Variants in PCDHA8 observed in about 807,000 individuals in gnomAD.
PCDHA8 encodes protocadherin alpha 8.
In PCDHA8, 53 loss-of-function variants were observed where a neutral mutation model predicts 61.8. The ratio of observed to expected loss-of-function variants is 0.86; its 90% CI spans 0.69 to 1.08. The LOEUF is 1.08. Among genes scored for constraint, PCDHA8 ranks in the 50% least tolerant of loss-of-function variants. The pLI is 0.00. For missense variants in PCDHA8, 1,293 were observed against 1,245.0 expected (o/e 1.04, Z -0.58); for synonymous variants, 618 against 556.6 (o/e 1.11, Z -1.55).
At chr5:140,883,226 G>T (rs572696678) in intron 1 of PCDHA8, 82 of 1,613,938 alleles carry the variant, frequency 5.1e-5, no homozygotes, top group South Asian at 4.2e-4. Flanking sequence ...TGAAATATCC[G>T]TGGAGGCAGT....
intron 1 of PCDHA8, chr5:140,868,892 A>G (rs1450985948): frequency 3.9e-6 from 3 of 760,982 alleles, no homozygotes; most frequent in Non-Finnish European, 4.1e-6. Context: ...TTTTAGGCGC[A>G]AGGTGTCGCT....
At position 140,967,061 on chromosome 5, in the gene PCDHA8, C is replaced by G. The variant is rs1554229125; in HGVS notation, c.2395-11888C>G. The G allele has an allele frequency of 1.9e-6, 3 of 1,612,886 alleles. No individual in the cohort carries two copies. The Admixed American group carries it at 5.0e-5, about 27-fold the overall frequency. On this transcript the variant is annotated intron_variant, in intron 1 of 3. Coordinates refer to ENST00000531613, the MANE Select transcript of PCDHA8 (RefSeq NM_018911.3). ...GGAGCTGGACCTGACGAGTGGAGCG[C>G]TCTTCGTCAACGAGCGCATTGATCG...
intron 1 of PCDHA8, chr5:140,884,515 G>T: frequency 6.2e-6 from 10 of 1,614,176 alleles, no homozygotes; most frequent in South Asian, 1.1e-5. Context: ...GGAGTTGGTC[G>T]TACTCGCAGC....
intron 1 of PCDHA8, among the ~76,000 whole-genome samples, chr5:140,923,350 A>G (rs2081329332): frequency 6.6e-6 from 1 of 152,092 alleles, no homozygotes; most frequent in Non-Finnish European, 1.5e-5. Flanking sequence ...ACATAGTGGG[A>G]CCCTATCTTT....
chr5:140,845,256 T>A (rs1349718505), intron 1 of PCDHA8, among the ~76,000 whole-genome samples: 1 of 149,608 alleles, frequency 6.7e-6, no homozygotes, highest in Admixed American at 6.7e-5. Flanking sequence ...GAATAATATG[T>A]GTTTTCCTTT....
chr5:141,008,540 T>C (rs1435875214), intron 3 of PCDHA8, among the ~76,000 whole-genome samples: 2 of 152,190 alleles, frequency 1.3e-5, no homozygotes, highest in African/African-American at 4.8e-5. Context: ...ATGTCTTTTA[T>C]TGAAAACTCC....
chr5:140,851,092 A>G (rs371116217), intron 1 of PCDHA8: 2 of 1,292,902 alleles, frequency 1.5e-6, no homozygotes, highest in East Asian at 5.4e-5. Context: ...TATTAAATAG[A>G]TATTTTTTGG....
intron 1 of PCDHA8, among the ~76,000 whole-genome samples, chr5:140,907,623 G>T (rs553186767): frequency 6.6e-6 from 1 of 152,352 alleles, no homozygotes; most frequent in East Asian, 1.9e-4. Context: ...AGGGCTCAGT[G>T]TTGGTCTCTG....
intron 1 of PCDHA8, chr5:140,865,878 T>C (rs1436758278): frequency 1.3e-5 from 2 of 152,170 alleles, no homozygotes; most frequent in Non-Finnish European, 2.9e-5. Flanking sequence ...GCTAGGAAAA[T>C]CAAGCACAAA....
chr5:140,869,346 T>C (rs781810947), intron 1 of PCDHA8: 4 of 1,614,054 alleles, frequency 2.5e-6, no homozygotes, highest in Non-Finnish European at 2.5e-6. Context: ...ATCTGCAGAA[T>C]GGCATTTTGT....
chr5:140,906,930 G>A (rs1006674722), intron 1 of PCDHA8, among the ~76,000 whole-genome samples: 3 of 152,246 alleles, frequency 2.0e-5, no homozygotes, highest in Non-Finnish European at 4.4e-5. Flanking sequence ...AAAGTGTCCC[G>A]GTGTCAATCT....
chr5:140,945,201 T>G (rs1168662297), intron 1 of PCDHA8, among the ~76,000 whole-genome samples: 1 of 152,172 alleles, frequency 6.6e-6, no homozygotes, highest in Middle Eastern at 3.4e-3. Context: ...CTATTTACAA[T>G]AGCTATGAGA....
rs2092672361 is a variant in PCDHA8, at chr5:140,940,726, G to A, written c.2395-38223G>A. On this transcript the variant is annotated intron_variant, in intron 1 of 3. Coordinates refer to ENST00000531613, the MANE Select transcript of PCDHA8 (RefSeq NM_018911.3). Reference sequence around the variant, plus strand: ...ATACCTGCTGTGTGCTGTTTCAGCTGGACAGCTCCATATTTTTATGTGTGC... The same window carrying A: ...ATACCTGCTGTGTGCTGTTTCAGCTAGACAGCTCCATATTTTTATGTGTGC... 3.9e-5 allele frequency among the ~76,000 whole-genome samples: 6 copies of A among 152,124 alleles called. No homozygotes were observed. The South Asian group carries it at 1.2e-3, about 31-fold the overall frequency.
chr5:140,845,820 T>C (rs1305062554), intron 1 of PCDHA8, among the ~76,000 whole-genome samples: 1 of 149,606 alleles, frequency 6.7e-6, no homozygotes, highest in African/African-American at 2.4e-5. Flanking sequence ...ATAATAAAAT[T>C]TAGTTATTAC....
At chr5:141,003,424 G>A (rs1431935325) in intron 3 of PCDHA8, among the ~76,000 whole-genome samples, 1 of 152,122 alleles carries the variant, frequency 6.6e-6, no homozygotes, top group Non-Finnish European at 1.5e-5. Context: ...TGATTCTTAT[G>A]CCTCAGCCTC....
At chr5:141,007,706 C>T (rs1269578685) in intron 3 of PCDHA8, among the ~76,000 whole-genome samples, 1 of 152,218 alleles carries the variant, frequency 6.6e-6, no homozygotes, top group Non-Finnish European at 1.5e-5. Flanking sequence ...TCCTCTGCCT[C>T]CCACCACCAG....
rs2150325203 is a variant in PCDHA8 at position 140,841,904 on chromosome 5, G to A, written c.583G>A (p.Val195Ile). The A allele has an allele frequency of 1.9e-6, 3 of 1,613,860 alleles. No homozygotes were observed. The highest frequency in any genetic ancestry group is 2.5e-6 in the Non-Finnish European group (3 of 1,179,850). The change falls in exon 1 of 4, where the codon GTA (valine) becomes ATA (isoleucine). Residue 195 changes from valine (V) to isoleucine (I), a missense_variant. Transcript: ENST00000531613. ...CGATGAGAATAAACTGGTTGAGCTC[G>A]TATTAAGAAAATCCTTGGACAGAGA... ...KNDENKLVEL[V>I]LRKSLDREDA...
chr5:140,849,798 C>T (rs1356253349), intron 1 of PCDHA8: 4 of 1,598,532 alleles, frequency 2.5e-6, no homozygotes, highest in Non-Finnish European at 3.4e-6. Context: ...CTCGCCTTCA[C>T]TGTGGGCCAC....
Position 140,841,924 on chromosome 5 carries a change from C to T in PCDHA8, c.603C>T (p.Asp201=), listed in dbSNP as rs1199272696. 1.2e-6 allele frequency: 2 copies of T among 1,613,772 alleles called. No individual in the cohort carries two copies. The highest frequency in any genetic ancestry group is 2.7e-5 in the African/African-American group (2 of 74,866). Residue 201 remains aspartate, a synonymous_variant, in exon 1 of 4, where the codon GAC becomes GAT. Coordinates refer to ENST00000531613, the MANE Select transcript of PCDHA8 (RefSeq NM_018911.3). The part of the protein sequence containing the change: ...LVELVLRKSL[D]REDAPAHHLF... ...AGCTCGTATTAAGAAAATCCTTGGACAGAGAGGACGCTCCTGCGCACCACT... is the reference window on the plus strand; with the variant it reads ...AGCTCGTATTAAGAAAATCCTTGGATAGAGAGGACGCTCCTGCGCACCACT...
Sources: gnomAD v4.1 joint callset for allele counts (sites outside exome capture counted in the v4.1 genomes callset) on GRCh38, gnomAD v4.1.1 for gene constraint, MANE v1.5 for transcripts, NCBI Gene and HGNC (gene_info 2026-07-23, HGNC 2026-07-21) for gene names.